The following NUP37 variants were observed in gnomAD, a reference collection of about 807,000 sequenced individuals.
NUP37 encodes the protein nucleoporin 37.
In NUP37, 33 loss-of-function variants were observed where a neutral mutation model predicts 45.4. That is an observed-to-expected ratio of 0.73 (90% CI 0.55 to 0.97). The LOEUF (loss-of-function observed/expected upper bound fraction) is 0.97, where lower values mean the gene tolerates loss of function less well. Among genes scored for constraint, NUP37 ranks in the 50% least tolerant of loss-of-function variants. The pLI is 0.00. For synonymous variants in NUP37, 127 were observed against 130.7 expected, an observed-to-expected ratio of 0.97 and a Z score of 0.19; for missense variants, 365 against 389.7, an observed-to-expected ratio of 0.94 and a Z score of 0.53.
At chr12:102,102,183 A>C (rs1325911594) in intron 3 of NUP37, among the ~76,000 whole-genome samples, 1 of 152,190 alleles carries the variant, frequency 6.6e-6, no homozygotes, top group Non-Finnish European at 1.5e-5. Flanking sequence ...ACACAAATCT[A>C]AATTTATTCT....
intron 7 of NUP37, 187 bp from the exon 8 acceptor site, chr12:102,077,034 G>A: frequency 1.6e-6 from 1 of 610,256 alleles, no homozygotes; most frequent in Non-Finnish European, 2.9e-6. Context: ...ACCACTGCAG[G>A]GAACCATCAT....
chr12:102,078,969 T>C (rs541077107), intron 6 of NUP37: 2 of 200,322 alleles, frequency 1.0e-5, no homozygotes, highest in South Asian at 1.7e-4. Context: ...GGAGATAAGG[T>C]ATGAGATTGC....
In NUP37 at chr12:102,118,588, G is replaced by C; in HGVS notation, c.-65-5C>G. On this transcript the variant is annotated splice_polypyrimidine_tract_variant and splice_region_variant and intron_variant, in intron 1 of 9. Transcript: ENST00000552283. ...CTACTGGACAAGGTCACGAAACTGT[G>C]GATTAGAGCACAGGTACAATTACAA... 7.2e-7 allele frequency: 1 copy of C among 1,383,458 alleles called. No individual in the cohort carries two copies. Among genetic ancestry groups the C allele is most frequent in the Non-Finnish European group, 1.0e-6 (1 of 1,004,158 alleles). 85.7% of individuals were successfully genotyped at this position (1,383,458 alleles called of 1,614,324 possible). A position where few individuals can be genotyped will look rare whatever the true frequency, so the allele number is the denominator to read the frequency against.
chr12:102,091,113 C>G (rs1008934508), intron 5 of NUP37, among the ~76,000 whole-genome samples: 1 of 152,082 alleles, frequency 6.6e-6, no homozygotes, highest in African/African-American at 2.4e-5. Flanking sequence ...AAGCTCACAG[C>G]CGGCCAGGCA....
intron 2 of NUP37, among the ~76,000 whole-genome samples, chr12:102,113,642 T>C (rs1357983211): frequency 1.3e-5 from 2 of 152,178 alleles, no homozygotes; most frequent in East Asian, 3.8e-4. Flanking sequence ...CGCGACAAAT[T>C]TGTCCAAGGA....
intron 3 of NUP37, among the ~76,000 whole-genome samples, chr12:102,105,697 C>T (rs1270331454): frequency 1.3e-5 from 2 of 151,802 alleles, no homozygotes; most frequent in Non-Finnish European, 2.9e-5. Flanking sequence ...CCCATCTCTA[C>T]TAAAAACACA....
intron 6 of NUP37, among the ~76,000 whole-genome samples, chr12:102,082,562 C>T (rs1227608293): frequency 6.6e-6 from 1 of 152,172 alleles, no homozygotes; most frequent in Non-Finnish European, 1.5e-5. Flanking sequence ...CTTATGTATC[C>T]ATTTTATAAG....
chr12:102,115,759 TTATC>T, intron 2 of NUP37: 1 of 864,556 alleles, frequency 1.2e-6, no homozygotes. Context: ...AAAATAAGGA[TTATC>T]TTTCTGTCAG....
intron 5 of NUP37, among the ~76,000 whole-genome samples, chr12:102,089,842 T>C (rs1879596998): frequency 6.6e-6 from 1 of 152,228 alleles, no homozygotes; most frequent in Non-Finnish European, 1.5e-5. Context: ...AACATATATA[T>C]TCATTCTACT....
chr12:102,116,266 T>C (rs956026911), intron 2 of NUP37, among the ~76,000 whole-genome samples: 1 of 152,230 alleles, frequency 6.6e-6, no homozygotes. Context: ...TAATCATAAA[T>C]GAGATAAACA....
At chr12:102,112,667 T>G (rs1199267292) in intron 2 of NUP37, among the ~76,000 whole-genome samples, 1 of 152,082 alleles carries the variant, frequency 6.6e-6, no homozygotes, top group Non-Finnish European at 1.5e-5. Flanking sequence ...AATGGAATGC[T>G]CTAAAGAATC....
chr12:102,113,559 A>C (rs569400741), intron 2 of NUP37, among the ~76,000 whole-genome samples: 2 of 152,378 alleles, frequency 1.3e-5, no homozygotes, highest in African/African-American at 4.8e-5. Flanking sequence ...CAATTTTAAA[A>C]ATAAGTAAAT....
intron 6 of NUP37, among the ~76,000 whole-genome samples, chr12:102,084,386 C>A (rs368759420): frequency 6.6e-6 from 1 of 152,162 alleles, no homozygotes; most frequent in Non-Finnish European, 1.5e-5. Context: ...TGGCTCACAA[C>A]TGTAGTCCCA....
At chr12:102,120,022 C>T (rs1880722732) in intron 1 of NUP37, 28 bp downstream of exon 1, 1 of 153,426 alleles carries the variant, frequency 6.5e-6, no homozygotes, top group African/African-American at 2.4e-5. Context: ...AGCATCCCGG[C>T]CTCTCGGGCT....
intron 5 of NUP37, among the ~76,000 whole-genome samples, chr12:102,089,700 T>C (rs369195992): frequency 1.5e-4 from 22 of 149,288 alleles, no homozygotes; most frequent in African/African-American, 5.5e-4. Flanking sequence ...GCAGAGGCGC[T>C]CCTCACTTCC....
At chr12:102,106,521 A>G (rs1222473498) in intron 3 of NUP37, among the ~76,000 whole-genome samples, 1 of 152,204 alleles carries the variant, frequency 6.6e-6, no homozygotes, top group Non-Finnish European at 1.5e-5. Context: ...AAAGTAAAGG[A>G]GACTAGATTA....
rs1242170970 is a variant in NUP37, at chr12:102,099,216, A to G, written c.355-16T>C. On this transcript the variant is annotated splice_polypyrimidine_tract_variant and intron_variant, in intron 4 of 9. Coordinates refer to ENST00000552283, the MANE Select transcript of NUP37 (RefSeq NM_024057.4). Reference sequence around the variant, plus strand: ...CCTCTAAAACCTGACAGAAAGAGAAACAGAAAGCTTAGCAAGAAAACAGAA... The same window carrying G: ...CCTCTAAAACCTGACAGAAAGAGAAGCAGAAAGCTTAGCAAGAAAACAGAA... 1 of 1,559,292 alleles carries G rather than the reference A, an allele frequency of 6.4e-7. No individual in the cohort carries two copies. Among genetic ancestry groups the G allele is most frequent in the South Asian group, 1.1e-5 (1 of 89,770 alleles).
rs747002881 is a variant in NUP37 at position 102,077,224 on chromosome 12, A to G, written c.722+98T>C. ...TAGGAAAGACTTGCTTTCGCTTGAC[A>G]GCATAGTCTCAGGTATAACAGGATG... On this transcript the variant is annotated intron_variant, in intron 7 of 9. Coordinates refer to ENST00000552283, the MANE Select transcript of NUP37 (RefSeq NM_024057.4). The G allele has an allele frequency of 7.2e-6, 9 of 1,255,044 alleles. No homozygotes were observed. The East Asian group carries it at 1.4e-4, about 19-fold the overall frequency. The allele number at this position is 1,255,044 out of a possible 1,614,324, so 77.7% of individuals were successfully genotyped here.
intron 3 of NUP37, among the ~76,000 whole-genome samples, chr12:102,105,582 C>T (rs998034887): frequency 6.6e-6 from 1 of 151,516 alleles, no homozygotes; most frequent in African/African-American, 2.4e-5. Context: ...AGTGCCCTCA[C>T]GCCAGGCACA....
Sources: allele counts gnomAD v4.1 joint callset (sites outside exome capture counted in the v4.1 genomes callset), GRCh38; gene constraint gnomAD v4.1.1; transcripts MANE v1.5; gene names NCBI Gene and HGNC (gene_info 2026-07-23, HGNC 2026-07-21).